ABCA10: variants seen among roughly 807,000 people sequenced by gnomAD.
ABCA10 encodes ATP binding cassette subfamily A member 10.
ABCA10 carries 169 observed loss-of-function variants against 187.5 expected under a neutral mutation model. The observed-to-expected ratio is 0.90, with a 90% CI of 0.80 to 1.02. The LOEUF is 1.02. ABCA10 is among the 50% of genes least tolerant of loss of function. The pLI is 0.00. For missense variants in ABCA10, 1,727 were observed against 1,812.4 expected (o/e 0.95, Z 0.86); for synonymous variants, 574 against 601.8 (o/e 0.95, Z 0.68).
At position 69,222,667 on chromosome 17, in the gene ABCA10, T is replaced by C; in HGVS notation, c.65A>G (p.Glu22Gly). 4 of 1,594,444 alleles carry C rather than the reference T, an allele frequency of 2.5e-6. No homozygotes were observed. The South Asian group carries it at 4.6e-5, about 18-fold the overall frequency. The change falls in exon 4 of 39, where the codon GAG (glutamate) becomes GGG (glycine). Residue 22 changes from glutamate to glycine, a missense_variant. By Grantham distance (98) the Glu-to-Gly change is moderately conservative. Coordinates refer to ENST00000690296, the MANE Select transcript of ABCA10 (RefSeq NM_001377321.1). ...GRTVIGTPDE[E>G]TMDIELPKKY... ...TTTTGGAAGTTCTATATCCATGGTC[T>C]CTTCATCTGGTGTCCCAATGACTGT...
At chr17:69,167,994 A>G (rs2144771372) in intron 25 of ABCA10, among the ~76,000 whole-genome samples, 1 of 152,220 alleles carries the variant, frequency 6.6e-6, no homozygotes, top group African/African-American at 2.4e-5. Flanking sequence ...CTCCTGCTCT[A>G]CCTTCTCTTC....
intron 3 of ABCA10, among the ~76,000 whole-genome samples, chr17:69,225,003 T>G (rs1320864743): frequency 6.6e-6 from 1 of 152,174 alleles, no homozygotes; most frequent in Non-Finnish European, 1.5e-5. Context: ...ATAAAGTTTT[T>G]TAAGTTAAGT....
At position 69,148,722 on chromosome 17, in the gene ABCA10, A is replaced by G; in HGVS notation, c.*105T>C. ...CTGTAATCATTATTGAATGTTTATT[A>G]AATGTTTTCTTTTGTTAACTGAAGT... On this transcript the variant is annotated 3_prime_UTR_variant, in exon 39 of 39. Coordinates refer to ENST00000690296, the MANE Select transcript of ABCA10 (RefSeq NM_001377321.1). 1.0e-6 allele frequency: 1 copy of G among 967,430 alleles called. No individual in the cohort carries two copies. Among genetic ancestry groups the G allele is most frequent in the Non-Finnish European group, 1.5e-6 (1 of 649,408 alleles). 59.9% of individuals were successfully genotyped at this position (967,430 alleles called of 1,614,324 possible). A position where few individuals can be genotyped will look rare whatever the true frequency, so the allele number is the denominator to read the frequency against.
At chr17:69,216,720 G>A (rs1029855312) in intron 6 of ABCA10, among the ~76,000 whole-genome samples, 4 of 151,902 alleles carry the variant, frequency 2.6e-5, no homozygotes, top group African/African-American at 9.7e-5. Flanking sequence ...TCAGTTAAAT[G>A]ACTATATAAA....
intron 11 of ABCA10, among the ~76,000 whole-genome samples, chr17:69,195,679 C>CT (rs1370859110): frequency 2.0e-5 from 3 of 150,622 alleles, no homozygotes; most frequent in African/African-American, 7.4e-5. Context: ...ACAAGGGTCT[C>CT]CGGCTTTCCT....
upstream of ABCA10, among the ~76,000 whole-genome samples, chr17:69,229,839 T>C (rs1241777914): frequency 1.3e-5 from 2 of 152,080 alleles, no homozygotes; most frequent in African/African-American, 4.8e-5. Context: ...CAGACATTAA[T>C]GGTAATATTC....
At chr17:69,203,821 C>T (rs1361938345) in intron 9 of ABCA10, among the ~76,000 whole-genome samples, 1 of 152,134 alleles carries the variant, frequency 6.6e-6, no homozygotes, top group Admixed American at 6.6e-5. Context: ...AGCCTATCTG[C>T]TATGCTATAA....
chr17:69,235,929 T>C (rs1378475694), intron 1 of ABCA10, among the ~76,000 whole-genome samples: 1 of 152,214 alleles, frequency 6.6e-6, no homozygotes, highest in African/African-American at 2.4e-5. Flanking sequence ...CATTGTAAAT[T>C]CTTTTGAGCT....
intron 9 of ABCA10, among the ~76,000 whole-genome samples, chr17:69,212,328 G>A (rs1446099306): frequency 6.6e-6 from 1 of 152,146 alleles, no homozygotes. Context: ...TTGTTCCACT[G>A]TGGTCTGAGA....
intron 30 of ABCA10, 105 bp from the exon 31 acceptor site, chr17:69,154,431 T>G (rs868577637): frequency 2.3e-6 from 2 of 887,732 alleles, no homozygotes; most frequent in Middle Eastern, 2.3e-4. Context: ...TTTTTTTTTT[T>G]TTTTTTTTTC....
chr17:69,190,675 T>G (rs189412150), intron 17 of ABCA10, among the ~76,000 whole-genome samples, 198 bp from the exon 18 acceptor site: 1 of 151,954 alleles, frequency 6.6e-6, no homozygotes, highest in East Asian at 1.9e-4. Flanking sequence ...ATTTCCATTT[T>G]GTTTCATAAA....
intron 9 of ABCA10, among the ~76,000 whole-genome samples, chr17:69,211,305 CATATATATGATATATAT>C (rs1438513928): frequency 2.6e-3 from 25 of 9,744 alleles, no homozygotes; most frequent in Middle Eastern, 0.062. Flanking sequence ...ATATATACAT[CATATATATGATATATAT>C]ATATATATAT....
rs1464414852 is a variant in ABCA10 at position 69,154,328 on chromosome 17, T to C, written c.3695-2A>G. On this transcript the variant is annotated splice_acceptor_variant, in intron 30 of 38. Transcript: ENST00000690296. LOFTEE classifies it high-confidence loss of function. The stretch of plus-strand genomic sequence containing the variant: ...GTCCTAGTAATCCCAAAACTTCACC[T>C]GGAAGAAAGAGTCACCATCAATATT... The C allele has an allele frequency of 1.9e-6, 3 of 1,592,000 alleles. No homozygotes were observed. The highest frequency in any genetic ancestry group is 2.3e-5 in the South Asian group (2 of 86,470).
At position 69,225,325 on chromosome 17, in the gene ABCA10, CT is replaced by C. The variant is rs1568075920; in HGVS notation, c.33del (p.Gly12GlufsTer15). 2 of 1,613,050 alleles carry C rather than the reference CT, an allele frequency of 1.2e-6. No individual in the cohort carries two copies. The highest frequency in any genetic ancestry group is 1.7e-6 in the Non-Finnish European group (2 of 1,179,332). ...AAACATTGGTTATTGGACAACACACCTTTCATAAAGGAAGCCAAGGCCATCT... is the reference window on the plus strand; with the variant it reads ...AAACATTGGTTATTGGACAACACACCTTCATAAAGGAAGCCAAGGCCATCT... MNKMALASFM[K>X]GRTVIGTPDE... is the part of the protein sequence containing the mutation. On this transcript the variant is annotated frameshift_variant and splice_region_variant, in exon 3 of 39. Coordinates refer to ENST00000690296, the MANE Select transcript of ABCA10 (RefSeq NM_001377321.1). LOFTEE classifies it high-confidence loss of function.
At chr17:69,164,226 C>A in intron 26 of ABCA10, 72 bp from the exon 27 acceptor site, 1 of 1,220,972 alleles carries the variant, frequency 8.2e-7, no homozygotes, top group East Asian at 2.6e-5. Context: ...TAAATACACC[C>A]ACATTATACT....
chr17:69,189,029 T>C (rs2074441521), intron 18 of ABCA10, among the ~76,000 whole-genome samples: 1 of 152,176 alleles, frequency 6.6e-6, no homozygotes, highest in Non-Finnish European at 1.5e-5. Context: ...ATGATTTATA[T>C]ACCTTTGGCT....
intron 27 of ABCA10, among the ~76,000 whole-genome samples, chr17:69,161,779 G>A (rs2074220449): frequency 6.6e-6 from 1 of 152,006 alleles, no homozygotes; most frequent in Non-Finnish European, 1.5e-5. Context: ...TGCTAAAACT[G>A]AAGCAAGAAC....
chr17:69,183,983 T>G (rs1638599386), intron 20 of ABCA10, among the ~76,000 whole-genome samples: 1 of 152,114 alleles, frequency 6.6e-6, no homozygotes, highest in Admixed American at 6.5e-5. Flanking sequence ...GGGTGAGTTC[T>G]CAGTCCTGCT....
At chr17:69,171,482 C>G (rs1211448905) in intron 25 of ABCA10, among the ~76,000 whole-genome samples, 1 of 152,090 alleles carries the variant, frequency 6.6e-6, no homozygotes, top group Non-Finnish European at 1.5e-5. Context: ...GAAATGCTAA[C>G]AGATGTAGAG....
Sources: allele counts gnomAD v4.1 joint callset (sites outside exome capture counted in the v4.1 genomes callset), GRCh38; gene constraint gnomAD v4.1.1; transcripts MANE v1.5; gene names NCBI Gene and HGNC (gene_info 2026-07-23, HGNC 2026-07-21).